The following PCDHGA3 variants were observed in gnomAD, a reference collection of about 807,000 sequenced individuals.
The protein encoded by PCDHGA3 is protocadherin gamma-A3.
In PCDHGA3, 40 loss-of-function variants were observed where a neutral mutation model predicts 58.5. The observed-to-expected ratio is 0.68, with a 90% CI of 0.53 to 0.89. The LOEUF (loss-of-function observed/expected upper bound fraction) is 0.89, where lower values mean the gene tolerates loss of function less well. PCDHGA3 is among the 40% of genes least tolerant of loss of function. The pLI, the probability that PCDHGA3 is intolerant of heterozygous loss-of-function variation, is 0.00. For missense variants in PCDHGA3, 1,223 were observed against 1,195.9 expected (o/e 1.02, Z -0.33); for synonymous variants, 530 against 525.7 (o/e 1.01, Z -0.11).
intron 1 of PCDHGA3, chr5:141,366,866 T>G (rs998309813): frequency 7.1e-7 from 1 of 1,402,360 alleles, no homozygotes; most frequent in Admixed American, 2.4e-5. Flanking sequence ...TTATTTGCTG[T>G]ATTGGAGATT....
chr5:141,384,598 C>T lies in PCDHGA3; in HGVS notation c.2424+38141C>T, dbSNP rs1451402043. On this transcript the variant is annotated intron_variant, in intron 1 of 3. Transcript: ENST00000253812. ...CCCGCCCGAGATCCTGTACCCGGCCCTCCCCACAGATGGTTCTACTGGCAT... is the reference window on the plus strand; with the variant it reads ...CCCGCCCGAGATCCTGTACCCGGCCTTCCCCACAGATGGTTCTACTGGCAT... 2.5e-6 allele frequency: 4 copies of T among 1,614,138 alleles called. No individual in the cohort carries two copies. The African/African-American group carries it at 5.3e-5, about 22-fold the overall frequency.
chr5:141,383,417 G>T lies in PCDHGA3; in HGVS notation c.2424+36960G>T. The T allele has an allele frequency of 1.9e-6, 3 of 1,614,014 alleles. No homozygotes were observed. In the South Asian group the frequency reaches 3.3e-5, roughly 18 times the overall value. On this transcript the variant is annotated intron_variant, in intron 1 of 3. Transcript: ENST00000253812. ...AACTCCCTCCAGAGTTACCAGCTCA[G>T]CCCCAATCGCCACTTCTCCCTGGCT...
At chr5:141,433,853 A>G (rs934981508) in intron 1 of PCDHGA3, among the ~76,000 whole-genome samples, 1 of 152,026 alleles carries the variant, frequency 6.6e-6, no homozygotes, top group Non-Finnish European at 1.5e-5. Flanking sequence ...AAAAAAAAAA[A>G]AACTTTATCC....
chr5:141,408,789 T>C, intron 1 of PCDHGA3: 1 of 1,612,724 alleles, frequency 6.2e-7, no homozygotes, highest in Non-Finnish European at 8.5e-7. Context: ...GAGTTATCTC[T>C]GGAGAAACTC....
intron 1 of PCDHGA3, chr5:141,392,823 C>A: frequency 6.3e-7 from 1 of 1,599,890 alleles, no homozygotes; most frequent in Non-Finnish European, 8.5e-7. Flanking sequence ...AATGGCCGCT[C>A]CACAGAGTCG....
At chr5:141,404,620 T>C in intron 1 of PCDHGA3, 2 of 1,614,162 alleles carry the variant, frequency 1.2e-6, no homozygotes, top group Non-Finnish European at 1.7e-6. Context: ...TGGACCAGAA[T>C]GACAATGCCC....
In PCDHGA3 at chr5:141,448,679, G is replaced by A. The variant is rs113043083; in HGVS notation, c.2425-46128G>A. On this transcript the variant is annotated intron_variant, in intron 1 of 3. Coordinates refer to ENST00000253812, the MANE Select transcript of PCDHGA3 (RefSeq NM_018916.4). Reference sequence around the variant, plus strand: ...ATATTGGCCGGGCGCGGTGGCTCACGCCTGTAATCGCAGCACTTTGGGAGG... The same window carrying A: ...ATATTGGCCGGGCGCGGTGGCTCACACCTGTAATCGCAGCACTTTGGGAGG... Among the ~76,000 whole-genome samples the A allele has an allele frequency of 8.3e-3, 1,260 of 152,126 alleles. 17 individuals are homozygous for A. Among genetic ancestry groups the A allele is most frequent in the African/African-American group, 0.029 (1,195 of 41,496 alleles).
intron 1 of PCDHGA3, among the ~76,000 whole-genome samples, chr5:141,443,720 T>G (rs1349609652): frequency 2.6e-5 from 4 of 152,156 alleles, no homozygotes; most frequent in Non-Finnish European, 5.9e-5. Flanking sequence ...CATATAAAAT[T>G]CCTCATACAT....
intron 1 of PCDHGA3, chr5:141,351,901 G>C (rs760555793): frequency 6.2e-7 from 1 of 1,613,280 alleles, no homozygotes; most frequent in African/African-American, 1.3e-5. Flanking sequence ...TGCGCGTGTT[G>C]GTGGGCGACC....
intron 1 of PCDHGA3, chr5:141,383,335 A>G (rs768493481): frequency 3.1e-6 from 5 of 1,613,892 alleles, no homozygotes; most frequent in Non-Finnish European, 4.2e-6. Flanking sequence ...AATGGAGAAT[A>G]CAGCTCCTGG....
chr5:141,436,277 T>G (rs2097806022), intron 1 of PCDHGA3, among the ~76,000 whole-genome samples: 1 of 152,194 alleles, frequency 6.6e-6, no homozygotes, highest in Non-Finnish European at 1.5e-5. Flanking sequence ...TAACTTGATT[T>G]AGGAACAAAT....
At chr5:141,390,385 C>T in intron 1 of PCDHGA3, 1 of 1,430,580 alleles carries the variant, frequency 7.0e-7, no homozygotes, top group South Asian at 1.3e-5. Flanking sequence ...TTTTAGATGT[C>T]ATGGATCATT....
rs2099396190 is a variant in PCDHGA3 at position 141,476,685 on chromosome 5, G to A, written c.2425-18122G>A. On this transcript the variant is annotated intron_variant, in intron 1 of 3. Coordinates refer to ENST00000253812, the MANE Select transcript of PCDHGA3 (RefSeq NM_018916.4). This position sits in a 1 kb window ranked among gnomAD's most constrained non-coding sequence, Gnocchi z 7.6. ...CTTCGCGTGCAGACGCGGGAGGACA[G>A]CACCAAGTACGCGGAGCTGGTGTTG... 3.1e-6 allele frequency: 5 copies of A among 1,614,102 alleles called. No homozygotes were observed.
Position 141,486,683 on chromosome 5 carries a change from G to T in PCDHGA3, c.2425-8124G>T. The T allele has an allele frequency of 6.2e-7, 1 of 1,614,092 alleles. No homozygotes were observed. Among genetic ancestry groups the T allele is most frequent in the Non-Finnish European group, 8.5e-7 (1 of 1,180,026 alleles). ...GGAGCCCAGGAATCGAGATGTATCA[G>T]CTTCCTCTTTCATCTCTCTGAACCC... On this transcript the variant is annotated intron_variant, in intron 1 of 3. Transcript: ENST00000253812. This position sits in a 1 kb window ranked among gnomAD's most constrained non-coding sequence, Gnocchi z 5.0.
In PCDHGA3 at chr5:141,429,386, T is replaced by A. The variant is rs534045300; in HGVS notation, c.2425-65421T>A. Among the ~76,000 whole-genome samples the A allele has an allele frequency of 4.0e-3, 602 of 151,936 alleles. 6 individuals carry two copies. The highest frequency in any genetic ancestry group is 0.011 in the Admixed American group (171 of 15,268). On this transcript the variant is annotated intron_variant, in intron 1 of 3. Coordinates refer to ENST00000253812, the MANE Select transcript of PCDHGA3 (RefSeq NM_018916.4). ...AAAATGGAGAAAATGTGTTTTTTTTTTAAAAAAAATTGAGATTAAGGTCTC... is the reference window on the plus strand; with the variant it reads ...AAAATGGAGAAAATGTGTTTTTTTTATAAAAAAAATTGAGATTAAGGTCTC...
chr5:141,400,343 A>G, intron 1 of PCDHGA3: 1 of 1,614,026 alleles, frequency 6.2e-7, no homozygotes, highest in South Asian at 1.1e-5. Context: ...CCCCCCAACT[A>G]CAGTCAGGGG....
At position 141,432,900 on chromosome 5, in the gene PCDHGA3, T is replaced by A. The variant is rs139221180; in HGVS notation, c.2425-61907T>A. ...GCCTTCGTCATCTTGCTGCTGGCGCTCAGGCTGCGGCGCTGGCACAAGTCA... is the reference window on the plus strand; with the variant it reads ...GCCTTCGTCATCTTGCTGCTGGCGCACAGGCTGCGGCGCTGGCACAAGTCA... On this transcript the variant is annotated intron_variant, in intron 1 of 3. Transcript: ENST00000253812. The surrounding 1 kb of genome is among the most constrained non-coding windows in gnomAD (Gnocchi z 6.0). The A allele has an allele frequency of 7.9e-5, 128 of 1,614,174 alleles. No homozygotes were observed. The highest frequency in any genetic ancestry group is 7.4e-4 in the East Asian group (33 of 44,868).
intron 1 of PCDHGA3, among the ~76,000 whole-genome samples, chr5:141,368,256 T>G (rs982604434): frequency 6.6e-6 from 1 of 152,192 alleles, no homozygotes; most frequent in Non-Finnish European, 1.5e-5. Flanking sequence ...AAAGGTTAAT[T>G]GACACATTAA....
intron 2 of PCDHGA3, among the ~76,000 whole-genome samples, chr5:141,502,152 C>T (rs1306227782): frequency 2.0e-5 from 3 of 152,128 alleles, no homozygotes; most frequent in African/African-American, 4.8e-5. Flanking sequence ...AAGTAAGGAC[C>T]CCAGATATTC....
Sources: allele counts gnomAD v4.1 joint callset (sites outside exome capture counted in the v4.1 genomes callset), GRCh38; gene constraint gnomAD v4.1.1; non-coding constraint Gnocchi (gnomAD v3.1); transcripts MANE v1.5; gene names NCBI Gene and HGNC (gene_info 2026-07-23, HGNC 2026-07-21).